The following BBX variants were observed in gnomAD, a reference collection of about 807,000 sequenced individuals.
The protein encoded by BBX is HMG box transcription factor BBX.
A neutral mutation model predicts 100.2 loss-of-function variants in BBX; 30 were observed. The ratio of observed to expected loss-of-function variants is 0.30; its 90% CI spans 0.22 to 0.41. The LOEUF (loss-of-function observed/expected upper bound fraction) is 0.41, where lower values mean the gene tolerates loss of function less well. Among genes scored for constraint, BBX ranks in the 10% least tolerant of loss-of-function variants. BBX has a pLI of 1.00. For synonymous variants in BBX, 376 were observed against 388.1 expected (o/e 0.97, Z 0.37); for missense variants, 1,023 against 1,129.8 (o/e 0.91, Z 1.35).
chr3:107,742,596 A>G (rs1299216785), intron 7 of BBX, among the ~76,000 whole-genome samples: 1 of 152,124 alleles, frequency 6.6e-6, no homozygotes, highest in African/African-American at 2.4e-5. Context: ...TAGCCATTGG[A>G]TAGCATTTGT....
chr3:107,633,317 TTAA>T (rs1203901383), intron 2 of BBX, among the ~76,000 whole-genome samples: 1 of 152,154 alleles, frequency 6.6e-6, no homozygotes, highest in Non-Finnish European at 1.5e-5. Context: ...TATATTATTA[TTAA>T]ATCTTTTGAT....
At chr3:107,678,539 C>T (rs938111051) in intron 3 of BBX, among the ~76,000 whole-genome samples, 1 of 152,024 alleles carries the variant, frequency 6.6e-6, no homozygotes. Context: ...GCCTAGGCAA[C>T]ACAGTGAGAC....
At chr3:107,667,754 A>T (rs2058828303) in intron 3 of BBX, among the ~76,000 whole-genome samples, 1 of 152,084 alleles carries the variant, frequency 6.6e-6, no homozygotes, top group South Asian at 2.1e-4. Context: ...TTATGTAATT[A>T]TCCAAGGAAG....
At chr3:107,538,466 G>C (rs1263434918) in intron 2 of BBX, among the ~76,000 whole-genome samples, 1 of 152,050 alleles carries the variant, frequency 6.6e-6, no homozygotes, top group Non-Finnish European at 1.5e-5. Context: ...TTCAAAAACA[G>C]CTAGATGGCT....
intron 9 of BBX, among the ~76,000 whole-genome samples, chr3:107,748,907 A>G (rs991816889): frequency 1.3e-5 from 2 of 152,190 alleles, no homozygotes; most frequent in African/African-American, 4.8e-5. Flanking sequence ...AGAATACTGC[A>G]TAAATGGAAT....
chr3:107,775,494 G>A (rs2067248680), intron 12 of BBX, among the ~76,000 whole-genome samples: 1 of 152,094 alleles, frequency 6.6e-6, no homozygotes, highest in Non-Finnish European at 1.5e-5. Flanking sequence ...TATTTTGTTA[G>A]TTAGGAGATC....
chr3:107,667,126 C>A (rs976890055), intron 3 of BBX, among the ~76,000 whole-genome samples: 1 of 152,118 alleles, frequency 6.6e-6, no homozygotes, highest in African/African-American at 2.4e-5. Context: ...ACTTTTTGTT[C>A]CTCAGGAATT....
intron 4 of BBX, among the ~76,000 whole-genome samples, chr3:107,713,974 T>C (rs1327808720): frequency 5.5e-5 from 5 of 90,494 alleles, no homozygotes; most frequent in Non-Finnish European, 8.5e-5. Context: ...TTTCTTTTTT[T>C]TTTTTTTTTT....
At chr3:107,585,455 G>A (rs2052761157) in intron 2 of BBX, among the ~76,000 whole-genome samples, 2 of 151,964 alleles carry the variant, frequency 1.3e-5, no homozygotes, top group Non-Finnish European at 2.9e-5. Context: ...AGCTAATGAA[G>A]GCTTAGCTTC....
At position 107,719,779 on chromosome 3, in the gene BBX, A is replaced by G. The variant is rs541569220; in HGVS notation, c.405+2930A>G. On this transcript the variant is annotated intron_variant, in intron 5 of 17. Transcript: ENST00000325805. ...GTGACTGCCCGTTAGGAGATACAAA[A>G]CAATTATATCTTTCCTTTTAACATC... is the stretch of plus-strand genomic sequence containing the variant. 5.3e-5 allele frequency among the ~76,000 whole-genome samples: 8 copies of G among 152,180 alleles called. No homozygotes were observed. In the South Asian group the frequency reaches 1.2e-3, roughly 24 times the overall value.
At chr3:107,707,734 C>G (rs957899480) in intron 3 of BBX, among the ~76,000 whole-genome samples, 17 of 151,938 alleles carry the variant, frequency 1.1e-4, no homozygotes, top group Admixed American at 2.6e-4. Flanking sequence ...TATTTTGAAC[C>G]CAGAAAGAAG....
At chr3:107,538,297 A>T (rs2048638167) in intron 2 of BBX, among the ~76,000 whole-genome samples, 1 of 152,160 alleles carries the variant, frequency 6.6e-6, no homozygotes, top group African/African-American at 2.4e-5. Context: ...GAGGAATGGG[A>T]TCACACATGA....
intron 2 of BBX, among the ~76,000 whole-genome samples, chr3:107,643,782 A>G (rs1021306732): frequency 2.0e-5 from 3 of 152,176 alleles, no homozygotes; most frequent in African/African-American, 7.2e-5. Context: ...CTATGCTGCA[A>G]CTGCTTTTCT....
intron 13 of BBX, among the ~76,000 whole-genome samples, chr3:107,789,138 G>C (rs1178018773): frequency 6.6e-6 from 1 of 152,008 alleles, no homozygotes; most frequent in Non-Finnish European, 1.5e-5. Flanking sequence ...CGGGGCTTTG[G>C]GGAGGTCAGT....
intron 17 of BBX, among the ~76,000 whole-genome samples, chr3:107,801,500 G>C (rs899563676): frequency 6.6e-6 from 1 of 152,192 alleles, no homozygotes; most frequent in African/African-American, 2.4e-5. Flanking sequence ...ATGTTATCCT[G>C]TGGCTAAACT....
At chr3:107,573,986 A>G (rs945810779) in intron 2 of BBX, among the ~76,000 whole-genome samples, 8 of 152,208 alleles carry the variant, frequency 5.3e-5, no homozygotes, top group African/African-American at 1.7e-4. Context: ...CAGCCTCCCA[A>G]AGTGCTGGGA....
intron 17 of BBX, among the ~76,000 whole-genome samples, chr3:107,801,599 T>C (rs962722673): frequency 6.6e-6 from 1 of 152,208 alleles, no homozygotes; most frequent in Non-Finnish European, 1.5e-5. Flanking sequence ...GTTTGAGTCC[T>C]AGCTCCATCA....
intron 2 of BBX, among the ~76,000 whole-genome samples, chr3:107,565,597 GTA>G (rs1193172279): frequency 6.6e-6 from 1 of 151,364 alleles, no homozygotes; most frequent in African/African-American, 2.4e-5. Context: ...AGCCTTCCGA[GTA>G]GCTGGGATTA....
At chr3:107,747,564 A>G (rs13066717) in intron 8 of BBX, among the ~76,000 whole-genome samples, 37,709 of 151,908 alleles carry the variant, frequency 0.25, 4,890 homozygotes, top group African/African-American at 0.29. Context: ...GCCTCTAACT[A>G]GAGAACAGCT....
Sources: gnomAD v4.1 joint callset for allele counts (sites outside exome capture counted in the v4.1 genomes callset) on GRCh38, gnomAD v4.1.1 for gene constraint, MANE v1.5 for transcripts, NCBI Gene and HGNC (gene_info 2026-07-23, HGNC 2026-07-21) for gene names.